The following ADAMTSL3 variants were observed in gnomAD, a reference collection of about 807,000 sequenced individuals.
The protein encoded by ADAMTSL3 is ADAMTS-like protein 3.
In ADAMTSL3, 128 loss-of-function variants were observed where a neutral mutation model predicts 201.7. The ratio of observed to expected loss-of-function variants is 0.63; its 90% CI spans 0.55 to 0.73. ADAMTSL3 has a LOEUF of 0.73. Among genes scored for constraint, ADAMTSL3 ranks in the 30% least tolerant of loss-of-function variants. The pLI, the probability that ADAMTSL3 is intolerant of heterozygous loss-of-function variation, is 0.00. For missense variants in ADAMTSL3, 1,990 were observed against 2,119.6 expected, an observed-to-expected ratio of 0.94 and a Z score of 1.20; for synonymous variants, 738 against 748.4, an observed-to-expected ratio of 0.99 and a Z score of 0.23.
chr15:83,728,935 T>A lies in ADAMTSL3; in HGVS notation c.189+24427T>A, dbSNP rs576452338. 2.0e-5 allele frequency among the ~76,000 whole-genome samples: 3 copies of A among 152,132 alleles called. No homozygotes were observed. The South Asian group carries it at 6.2e-4, about 31-fold the overall frequency. On this transcript the variant is annotated intron_variant, in intron 3 of 29. Transcript: ENST00000286744. ...CCTTTAGCGTTTCTTGCAGAGCAAG[T>A]CTGGTGTTGATGAAATCTCTCAGTT...
At chr15:83,807,461 A>G (rs2063618468) in intron 5 of ADAMTSL3, among the ~76,000 whole-genome samples, 1 of 152,214 alleles carries the variant, frequency 6.6e-6, no homozygotes, top group Admixed American at 6.5e-5. Flanking sequence ...CTCAATAAAT[A>G]AATAAATCAA....
chr15:83,697,465 G>T (rs2061701415), intron 2 of ADAMTSL3, among the ~76,000 whole-genome samples: 1 of 152,200 alleles, frequency 6.6e-6, no homozygotes, highest in Non-Finnish European at 1.5e-5. Context: ...GCAGTAGGTT[G>T]AGTATAGGTT....
intron 4 of ADAMTSL3, among the ~76,000 whole-genome samples, chr15:83,794,469 A>G (rs1596222113): frequency 6.6e-6 from 1 of 152,230 alleles, no homozygotes; most frequent in Admixed American, 6.5e-5. Context: ...GGAGTGCTAC[A>G]CAGCCGTAAA....
In ADAMTSL3 at chr15:83,786,726, G is replaced by A. The variant is rs112020650; in HGVS notation, c.317+13076G>A. 1.7e-3 allele frequency among the ~76,000 whole-genome samples: 258 copies of A among 152,126 alleles called. 1 individual carries two copies. Among genetic ancestry groups the A allele is most frequent in the African/African-American group, 5.8e-3 (241 of 41,480 alleles). On this transcript the variant is annotated intron_variant, in intron 4 of 29. Transcript: ENST00000286744. Reference sequence around the variant, plus strand: ...TTGTCTATTTTTAGTGTGATATCTGGCTAATTCTTACTTATTCTTCAAGGT... The same window carrying A: ...TTGTCTATTTTTAGTGTGATATCTGACTAATTCTTACTTATTCTTCAAGGT...
chr15:83,982,919 T>G lies in ADAMTSL3; in HGVS notation c.3291T>G (p.Asp1097Glu). Reference protein sequence around the residue: ...GAYSMDTAQFDELIRNMSQLM... With the variant: ...GAYSMDTAQFEELIRNMSQLM... The stretch of plus-strand genomic sequence containing the variant: ...ATAGCATGGATACAGCCCAGTTTGA[T>G]GAGCTGATAAGAAACATGAGTCAGC... The change falls in exon 21 of 30, where the codon GAT becomes GAG. Residue 1097 changes from aspartate (D) to glutamate (E), a missense_variant. Transcript: ENST00000286744. The G allele has an allele frequency of 6.2e-7, 1 of 1,614,128 alleles. No homozygotes were observed. The highest frequency in any genetic ancestry group is 1.1e-5 in the South Asian group (1 of 91,082).
At chr15:84,025,885 G>C (rs2068296469) in intron 27 of ADAMTSL3, among the ~76,000 whole-genome samples, 1 of 152,118 alleles carries the variant, frequency 6.6e-6, no homozygotes. Flanking sequence ...ACACATAAAA[G>C]TTGAGCAAAT....
At chr15:83,975,625 A>T (rs576884962) in intron 20 of ADAMTSL3, among the ~76,000 whole-genome samples, 1 of 152,322 alleles carries the variant, frequency 6.6e-6, no homozygotes, top group East Asian at 1.9e-4. Flanking sequence ...GTCAGGAAGA[A>T]ATTCACAGAG....
At chr15:83,658,230 C>T (rs12593448) in intron 2 of ADAMTSL3, among the ~76,000 whole-genome samples, 27,965 of 152,056 alleles carry the variant, frequency 0.18, 3,621 homozygotes, top group East Asian at 0.36. Context: ...GTGTCTCAGC[C>T]TCTGAGTAGC....
At chr15:83,977,735 CTT>C in intron 20 of ADAMTSL3, among the ~76,000 whole-genome samples, 1 of 152,222 alleles carries the variant, frequency 6.6e-6, no homozygotes. Flanking sequence ...TTGGTTGTCT[CTT>C]CCAAGTAACA....
rs1483774327 is a variant in ADAMTSL3 at position 84,036,746 on chromosome 15, TCCG to T, written c.4755-26_4755-24del. On this transcript the variant is annotated intron_variant, in intron 28 of 29. Transcript: ENST00000286744. ...CCCTGCCTCTCCTATTTTTTGTTTT[TCCG>T]TTTTGTTTTATTTTTCACTTCAGAC... The T allele has an allele frequency of 3.2e-6, 5 of 1,579,504 alleles. No individual in the cohort carries two copies. In the Admixed American group the frequency reaches 5.6e-5, roughly 18 times the overall value.
At chr15:83,709,694 A>G (rs1164689147) in intron 3 of ADAMTSL3, among the ~76,000 whole-genome samples, 1 of 152,222 alleles carries the variant, frequency 6.6e-6, no homozygotes, top group Non-Finnish European at 1.5e-5. Flanking sequence ...TGTGACAAGC[A>G]CAGTGTTTCT....
At chr15:84,034,736 G>T (rs1446605803) in intron 28 of ADAMTSL3, among the ~76,000 whole-genome samples, 1 of 152,184 alleles carries the variant, frequency 6.6e-6, no homozygotes, top group Non-Finnish European at 1.5e-5. Flanking sequence ...AACCAGGCAG[G>T]CTTGGGATCT....
chr15:84,036,294 A>T (rs2068503989), intron 28 of ADAMTSL3, among the ~76,000 whole-genome samples: 1 of 152,230 alleles, frequency 6.6e-6, no homozygotes, highest in African/African-American at 2.4e-5. Context: ...ACCTAAATGT[A>T]AAAAAGAGTA....
chr15:83,733,516 G>C, intron 3 of ADAMTSL3, among the ~76,000 whole-genome samples: 1 of 152,154 alleles, frequency 6.6e-6, no homozygotes, highest in East Asian at 1.9e-4. Flanking sequence ...TTTGTGGGCT[G>C]TGTGCATTAC....
At chr15:83,827,127 A>G (rs1427473466) in intron 6 of ADAMTSL3, among the ~76,000 whole-genome samples, 1 of 152,188 alleles carries the variant, frequency 6.6e-6, no homozygotes, top group African/African-American at 2.4e-5. Flanking sequence ...AGTTCCACCA[A>G]CAGTGTAAAA....
At chr15:83,881,121 A>T (rs984095782) in intron 9 of ADAMTSL3, among the ~76,000 whole-genome samples, 1 of 152,126 alleles carries the variant, frequency 6.6e-6, no homozygotes, top group East Asian at 1.9e-4. Flanking sequence ...TTCCAACTGG[A>T]TTATTTTAGC....
chr15:83,971,590 A>G (rs1289984253), intron 20 of ADAMTSL3, among the ~76,000 whole-genome samples: 3 of 150,304 alleles, frequency 2.0e-5, no homozygotes, highest in Non-Finnish European at 4.4e-5. Flanking sequence ...AAGAAAGAAA[A>G]AAAGAGTTGT....
intron 3 of ADAMTSL3, among the ~76,000 whole-genome samples, chr15:83,748,079 T>G (rs1320173337): frequency 6.6e-6 from 1 of 152,106 alleles, no homozygotes; most frequent in Non-Finnish European, 1.5e-5. Flanking sequence ...TCCAATCCCA[T>G]GTTTGAGAAT....
At chr15:83,750,200 T>C (rs2062616708) in intron 3 of ADAMTSL3, among the ~76,000 whole-genome samples, 1 of 152,236 alleles carries the variant, frequency 6.6e-6, no homozygotes, top group Non-Finnish European at 1.5e-5. Context: ...TTTTGTTTCT[T>C]AATCAATTAC....
Sources: gnomAD v4.1 joint callset for allele counts (sites outside exome capture counted in the v4.1 genomes callset) on GRCh38, gnomAD v4.1.1 for gene constraint, MANE v1.5 for transcripts, NCBI Gene and HGNC (gene_info 2026-07-23, HGNC 2026-07-21) for gene names.